C8orf34: variants seen among roughly 807,000 people sequenced by gnomAD.
C8orf34 encodes the protein uncharacterized protein C8orf34.
A neutral mutation model predicts 68.3 loss-of-function variants in C8orf34; 65 were observed. The observed-to-expected ratio is 0.95, with a 90% CI of 0.78 to 1.17. The LOEUF (loss-of-function observed/expected upper bound fraction) is 1.17, where lower values mean the gene tolerates loss of function less well. Among genes scored for constraint, C8orf34 ranks in the 50% most tolerant of loss-of-function variants. The pLI is 0.00. For synonymous variants in C8orf34, 244 were observed against 241.2 expected, an observed-to-expected ratio of 1.01 and a Z score of -0.11; for missense variants, 664 against 655.4, an observed-to-expected ratio of 1.01 and a Z score of -0.14.
At chr8:68,567,118 G>A (rs1359764834) in intron 7 of C8orf34, among the ~76,000 whole-genome samples, 2 of 152,236 alleles carry the variant, frequency 1.3e-5, no homozygotes, top group East Asian at 3.9e-4. Context: ...TCTCGTTTTG[G>A]TATTAGAGTG....
chr8:68,639,699 C>T (rs1818948089), intron 7 of C8orf34, among the ~76,000 whole-genome samples: 1 of 152,136 alleles, frequency 6.6e-6, no homozygotes, highest in African/African-American at 2.4e-5. Flanking sequence ...CATATTGTAA[C>T]AGAGCTGAAT....
intron 7 of C8orf34, among the ~76,000 whole-genome samples, chr8:68,608,291 G>A (rs1036920722): frequency 6.7e-6 from 1 of 148,738 alleles, no homozygotes; most frequent in Non-Finnish European, 1.5e-5. Context: ...TGAAGGCTGT[G>A]GTAATAAAAG....
At chr8:68,783,999 G>T (rs1301766892) in intron 11 of C8orf34, among the ~76,000 whole-genome samples, 3 of 152,138 alleles carry the variant, frequency 2.0e-5, no homozygotes, top group Admixed American at 6.5e-5. Context: ...CTTTATGTTA[G>T]TATGGGGCAC....
At chr8:68,441,126 A>T (rs1267020995) in intron 2 of C8orf34, among the ~76,000 whole-genome samples, 1 of 150,830 alleles carries the variant, frequency 6.6e-6, no homozygotes, top group East Asian at 1.9e-4. Context: ...TAAATCGCAC[A>T]CATTAAGTAC....
At chr8:68,686,412 C>T (rs2130893338) in intron 8 of C8orf34, among the ~76,000 whole-genome samples, 1 of 152,086 alleles carries the variant, frequency 6.6e-6, no homozygotes. Flanking sequence ...AATCCAAGAG[C>T]ACATAAAAAA....
At chr8:68,607,244 A>C (rs1334976370) in intron 7 of C8orf34, among the ~76,000 whole-genome samples, 2 of 152,134 alleles carry the variant, frequency 1.3e-5, no homozygotes, top group Non-Finnish European at 2.9e-5. Flanking sequence ...AATATTCAAG[A>C]CTAACATTAT....
chr8:68,579,329 A>G (rs961207325), intron 7 of C8orf34, among the ~76,000 whole-genome samples: 3 of 152,172 alleles, frequency 2.0e-5, no homozygotes, highest in African/African-American at 7.2e-5. Flanking sequence ...ATTCTTTAAA[A>G]TGCAGATAGA....
chr8:68,797,679 A>G (rs899468075), intron 12 of C8orf34, among the ~76,000 whole-genome samples: 2 of 152,184 alleles, frequency 1.3e-5, no homozygotes, highest in Non-Finnish European at 2.9e-5. Flanking sequence ...CAGGCTCAAG[A>G]TAAGGTACTA....
chr8:68,603,350 A>G (rs866335191), intron 7 of C8orf34, among the ~76,000 whole-genome samples: 1 of 152,126 alleles, frequency 6.6e-6, no homozygotes, highest in South Asian at 2.1e-4. Context: ...TTCCTCTCCC[A>G]GGTATATGCC....
At chr8:68,543,234 G>A (rs1815758126) in intron 7 of C8orf34, among the ~76,000 whole-genome samples, 1 of 151,930 alleles carries the variant, frequency 6.6e-6, no homozygotes, top group African/African-American at 2.4e-5. Flanking sequence ...AAAAACTATT[G>A]GCATTTGTAA....
At chr8:68,618,432 A>T (rs1186311201) in intron 7 of C8orf34, among the ~76,000 whole-genome samples, 1 of 152,040 alleles carries the variant, frequency 6.6e-6, no homozygotes. Context: ...GCTCACTGAA[A>T]CCTGCTTCCC....
At chr8:68,446,677 C>A in intron 3 of C8orf34, 1 of 531,100 alleles carries the variant, frequency 1.9e-6, no homozygotes, top group East Asian at 3.1e-5. Context: ...TCACTTGGAC[C>A]CTTTTGAGTA....
Position 68,331,117 on chromosome 8 carries a change from C to A in C8orf34, c.105C>A (p.His35Gln). The change falls in exon 1 of 14, where the codon CAC (histidine) becomes CAA (glutamine). Residue 35 changes from histidine to glutamine, a missense_variant. Physicochemically the swap from His to Gln is conservative, Grantham distance 24 (BLOSUM62 0). Transcript: ENST00000518698. The stretch of plus-strand genomic sequence containing the variant: ...GCGTGGCTCCCCGGGCTGCCACCCA[C>A]GCCCGCGGCCGGGGCCGAGCCAGCC... ...HARVAPRAAT[H>Q]ARGRGRASHA... 6.6e-7 allele frequency: 1 copy of A among 1,507,346 alleles called. No individual in the cohort carries two copies. Among genetic ancestry groups the A allele is most frequent in the Non-Finnish European group, 8.8e-7 (1 of 1,134,718 alleles). The allele number at this position is 1,507,346 out of a possible 1,614,324, so 93.4% of individuals were successfully genotyped here.
intron 7 of C8orf34, among the ~76,000 whole-genome samples, chr8:68,536,564 T>C (rs2129878069): frequency 6.6e-6 from 1 of 152,078 alleles, no homozygotes; most frequent in African/African-American, 2.4e-5. Context: ...GTCACGTTTT[T>C]GATTATTCTC....
At chr8:68,458,134 G>A (rs920919523) in intron 3 of C8orf34, among the ~76,000 whole-genome samples, 9 of 152,094 alleles carry the variant, frequency 5.9e-5, no homozygotes, top group African/African-American at 2.2e-4. Context: ...GTATCAAATT[G>A]TCACAAGCTA....
At chr8:68,782,943 G>A (rs537821320) in intron 11 of C8orf34, among the ~76,000 whole-genome samples, 50 of 151,646 alleles carry the variant, frequency 3.3e-4, no homozygotes, top group African/African-American at 1.1e-3. Context: ...ATAGTGGCAC[G>A]TGCCTGTAGT....
At chr8:68,504,802 C>G (rs1813935882) in intron 5 of C8orf34, among the ~76,000 whole-genome samples, 1 of 151,998 alleles carries the variant, frequency 6.6e-6, no homozygotes, top group African/African-American at 2.4e-5. Context: ...GCCTCAGCCT[C>G]CCAAGTAGCT....
chr8:68,745,486 A>T (rs1369396639), intron 10 of C8orf34, among the ~76,000 whole-genome samples: 2 of 152,178 alleles, frequency 1.3e-5, no homozygotes, highest in Non-Finnish European at 2.9e-5. Context: ...TATTCAGGAA[A>T]CCCATCTCAC....
At chr8:68,745,251 G>A (rs1185988982) in intron 10 of C8orf34, among the ~76,000 whole-genome samples, 1 of 152,020 alleles carries the variant, frequency 6.6e-6, no homozygotes, top group Non-Finnish European at 1.5e-5. Context: ...ACATGGAAAG[G>A]AACAACTGGT....
Sources: allele counts gnomAD v4.1 joint callset (sites outside exome capture counted in the v4.1 genomes callset), GRCh38; gene constraint gnomAD v4.1.1; transcripts MANE v1.5; gene names NCBI Gene and HGNC (gene_info 2026-07-23, HGNC 2026-07-21).